The following RBFOX1 variants were observed in gnomAD, a reference collection of about 807,000 sequenced individuals.
RBFOX1 encodes RNA binding protein fox-1 homolog 1.
A neutral mutation model predicts 57.7 loss-of-function variants in RBFOX1; 8 were observed. The ratio of observed to expected loss-of-function variants is 0.14; its 90% CI spans 0.08 to 0.25. The LOEUF (loss-of-function observed/expected upper bound fraction) is 0.25. Among genes scored for constraint, RBFOX1 ranks in the 10% least tolerant of loss-of-function variants. The probability of loss-of-function intolerance (pLI) is 1.00; values close to 1 mark genes in which losing one functional copy is unlikely to be tolerated. For synonymous variants in RBFOX1, 326 were observed against 222.4 expected (o/e 1.47, Z -4.15); for missense variants, 611 against 548.5 (o/e 1.11, Z -1.14).
intron 1 of RBFOX1, among the ~76,000 whole-genome samples, chr16:5,397,441 T>C (rs1208177940): frequency 6.6e-6 from 1 of 152,212 alleles, no homozygotes; most frequent in Non-Finnish European, 1.5e-5. Context: ...CATGAGACCA[T>C]GCCTGCATGT....
At chr16:6,536,978 C>T (rs1374784801) in intron 2 of RBFOX1, among the ~76,000 whole-genome samples, 2 of 152,170 alleles carry the variant, frequency 1.3e-5, no homozygotes, top group African/African-American at 4.8e-5. Context: ...GGGATTCCTT[C>T]CTATCCATTG....
chr16:6,908,158 T>TA (rs1465796496), intron 3 of RBFOX1, among the ~76,000 whole-genome samples: 3 of 151,764 alleles, frequency 2.0e-5, no homozygotes, highest in Non-Finnish European at 4.4e-5. Flanking sequence ...CCTAACAATC[T>TA]ACTTCTCTGC....
intron 4 of RBFOX1, among the ~76,000 whole-genome samples, chr16:5,993,878 A>T (rs2060448159): frequency 6.6e-6 from 1 of 152,158 alleles, no homozygotes; most frequent in South Asian, 2.1e-4. Context: ...GATGATGTAT[A>T]TTAATTCTTA....
chr16:6,905,252 A>G (rs1172031259), intron 3 of RBFOX1, among the ~76,000 whole-genome samples: 1 of 152,014 alleles, frequency 6.6e-6, no homozygotes, highest in Non-Finnish European at 1.5e-5. Flanking sequence ...CTGTTTAAAA[A>G]AAAAATTAAA....
At chr16:6,136,908 C>T (rs753165930) in intron 1 of RBFOX1, among the ~76,000 whole-genome samples, 17 of 152,164 alleles carry the variant, frequency 1.1e-4, no homozygotes, top group Non-Finnish European at 2.5e-4. Flanking sequence ...CATTTTTAAT[C>T]AGTCTCCTAG....
At chr16:6,675,139 C>CAG (rs2057409717) in intron 3 of RBFOX1, among the ~76,000 whole-genome samples, 1 of 151,902 alleles carries the variant, frequency 6.6e-6, no homozygotes, top group South Asian at 2.1e-4. Flanking sequence ...CTCTTGACCT[C>CAG]GTGATCCGCC....
chr16:5,862,607 G>C (rs2057249394), intron 3 of RBFOX1, among the ~76,000 whole-genome samples: 2 of 152,184 alleles, frequency 1.3e-5, no homozygotes, highest in Admixed American at 6.5e-5. Flanking sequence ...TGTCTAGGAT[G>C]ATAGAGACCG....
Position 6,262,034 on chromosome 16 carries a change from A to G in RBFOX1, c.-126-54961A>G, listed in dbSNP as rs564857056. On this transcript the variant is annotated intron_variant, in intron 1 of 15. Coordinates refer to ENST00000550418, the MANE Select transcript of RBFOX1 (RefSeq NM_018723.4). Reference sequence around the variant, plus strand: ...ACAGAGTGAGGCTCTGTCTCAGAAAAACAAAAAAAAAAGAAAGAAAGATGG... The same window carrying G: ...ACAGAGTGAGGCTCTGTCTCAGAAAGACAAAAAAAAAAGAAAGAAAGATGG... Among the ~76,000 whole-genome samples the G allele has an allele frequency of 2.0e-5, 3 of 152,186 alleles. No homozygotes were observed. The South Asian group carries it at 6.2e-4, about 32-fold the overall frequency.
chr16:7,300,336 T>G lies in RBFOX1; in HGVS notation c.28-217811T>G, dbSNP rs531467478. Among the ~76,000 whole-genome samples the G allele has an allele frequency of 1.6e-4, 24 of 152,070 alleles. No homozygotes were observed. The South Asian group carries it at 1.7e-3, about 11-fold the overall frequency. Reference sequence around the variant, plus strand: ...TGGAATGAGATCAGCACTAACTAAATATGATTCAGGTGTTTGAACAAGCCA... The same window carrying G: ...TGGAATGAGATCAGCACTAACTAAAGATGATTCAGGTGTTTGAACAAGCCA... On this transcript the variant is annotated intron_variant, in intron 4 of 15. Transcript: ENST00000550418.
chr16:6,778,672 A>G (rs745487706), intron 3 of RBFOX1, among the ~76,000 whole-genome samples: 8 of 152,004 alleles, frequency 5.3e-5, no homozygotes, highest in Non-Finnish European at 7.4e-5. Flanking sequence ...CTTTCCATTC[A>G]TATTTTACTC....
At chr16:7,575,711 T>C (rs915630825) in intron 5 of RBFOX1, among the ~76,000 whole-genome samples, 1 of 152,184 alleles carries the variant, frequency 6.6e-6, no homozygotes, top group Non-Finnish European at 1.5e-5. Flanking sequence ...TTTATGGTCC[T>C]CTTTCAGGAA....
chr16:7,583,074 G>C (rs2093898126), intron 6 of RBFOX1, among the ~76,000 whole-genome samples: 2 of 151,030 alleles, frequency 1.3e-5, no homozygotes, highest in African/African-American at 2.4e-5. Flanking sequence ...TTTCCACCTT[G>C]TGCTTCATAT....
chr16:6,315,715 G>C (rs190909424), intron 1 of RBFOX1, among the ~76,000 whole-genome samples: 2 of 152,242 alleles, frequency 1.3e-5, no homozygotes, highest in Admixed American at 1.3e-4. Context: ...GCTATTGAAG[G>C]GTGAATACTA....
intron 4 of RBFOX1, among the ~76,000 whole-genome samples, chr16:7,470,889 G>C (rs1217870607): frequency 6.6e-6 from 1 of 150,522 alleles, no homozygotes; most frequent in African/African-American, 2.4e-5. Flanking sequence ...GGGCGGGATG[G>C]GGGAGTATAA....
chr16:6,796,635 T>C (rs2084122108), intron 3 of RBFOX1, among the ~76,000 whole-genome samples: 1 of 152,198 alleles, frequency 6.6e-6, no homozygotes, highest in African/African-American at 2.4e-5. Flanking sequence ...TCTCTGTCTC[T>C]TGTTAAAAAT....
chr16:5,897,111 C>T (rs1229531626), intron 4 of RBFOX1, among the ~76,000 whole-genome samples: 1 of 148,078 alleles, frequency 6.8e-6, no homozygotes, highest in African/African-American at 2.5e-5. Context: ...TCTCGGCTCA[C>T]TGCAAGCTCC....
chr16:5,974,701 A>G (rs894186926), intron 4 of RBFOX1, among the ~76,000 whole-genome samples: 1 of 152,008 alleles, frequency 6.6e-6, no homozygotes, highest in Non-Finnish European at 1.5e-5. Context: ...GTATAGAGGA[A>G]CTTTACTATT....
At chr16:6,834,003 C>T (rs11641063) in intron 3 of RBFOX1, among the ~76,000 whole-genome samples, 10,245 of 152,164 alleles carry the variant, frequency 0.067, 503 homozygotes, top group Non-Finnish European at 0.11. Context: ...GTTGTGAGTA[C>T]ACTGGGAAGC....
intron 2 of RBFOX1, among the ~76,000 whole-genome samples, chr16:6,468,260 C>CT (rs766642341): frequency 6.6e-6 from 1 of 152,104 alleles, no homozygotes; most frequent in African/African-American, 2.4e-5. Context: ...ACGTTTTTGA[C>CT]TTTTTCACCA....
Sources: allele counts gnomAD v4.1 joint callset (sites outside exome capture counted in the v4.1 genomes callset), GRCh38; gene constraint gnomAD v4.1.1; transcripts MANE v1.5; gene names NCBI Gene and HGNC (gene_info 2026-07-23, HGNC 2026-07-21).